Variants in CTNND2 observed in about 807,000 individuals in gnomAD.
CTNND2 encodes the protein catenin delta 2.
In CTNND2, 22 loss-of-function variants were observed where a neutral mutation model predicts 144.4. That is an observed-to-expected ratio of 0.15 (90% CI 0.11 to 0.22). The LOEUF is 0.22. Among genes scored for constraint, CTNND2 ranks in the 10% least tolerant of loss-of-function variants. CTNND2 has a pLI of 1.00. For missense variants in CTNND2, 1,353 were observed against 1,618.8 expected (o/e 0.84, Z 2.82); for synonymous variants, 751 against 695.6 (o/e 1.08, Z -1.25).
intron 16 of CTNND2, among the ~76,000 whole-genome samples, chr5:11,079,768 T>C (rs766336395): frequency 6.6e-6 from 1 of 152,064 alleles, no homozygotes; most frequent in Non-Finnish European, 1.5e-5. Context: ...ATCACAACCC[T>C]AAACTGGATA....
chr5:11,428,754 C>T (rs1233536419), intron 3 of CTNND2, among the ~76,000 whole-genome samples: 9 of 152,114 alleles, frequency 5.9e-5, no homozygotes, highest in African/African-American at 1.4e-4. Context: ...TGACAAAAAG[C>T]GACTACAACA....
chr5:11,081,078 A>G (rs968236727), intron 16 of CTNND2, among the ~76,000 whole-genome samples: 3 of 54,034 alleles, frequency 5.6e-5, no homozygotes, highest in African/African-American at 2.8e-4. Flanking sequence ...CCTGTCACAC[A>G]CACACACACA....
intron 1 of CTNND2, among the ~76,000 whole-genome samples, chr5:11,785,523 A>T (rs1016547722): frequency 2.0e-5 from 3 of 152,216 alleles, no homozygotes; most frequent in African/African-American, 7.2e-5. Context: ...TATCAAAATA[A>T]ATCTAAACTA....
chr5:11,897,888 T>C (rs1331638945), intron 1 of CTNND2, among the ~76,000 whole-genome samples: 6 of 152,214 alleles, frequency 3.9e-5, no homozygotes, highest in Non-Finnish European at 7.3e-5. Context: ...GATATTTCCT[T>C]TCAGGCAAAG....
intron 9 of CTNND2, among the ~76,000 whole-genome samples, chr5:11,283,895 T>C (rs1043281440): frequency 6.6e-6 from 1 of 152,200 alleles, no homozygotes; most frequent in African/African-American, 2.4e-5. Flanking sequence ...AGCCATGCAA[T>C]GCGGACCTTG....
At chr5:11,287,099 T>C (rs931263329) in intron 9 of CTNND2, among the ~76,000 whole-genome samples, 1 of 152,226 alleles carries the variant, frequency 6.6e-6, no homozygotes, top group African/African-American at 2.4e-5. Context: ...GCAAATGTAG[T>C]ATGACGCTGT....
At chr5:11,534,462 G>C (rs767230316) in intron 3 of CTNND2, among the ~76,000 whole-genome samples, 3 of 152,048 alleles carry the variant, frequency 2.0e-5, no homozygotes. Flanking sequence ...AAAATTAGCT[G>C]TGCATGGTGG....
intron 3 of CTNND2, among the ~76,000 whole-genome samples, chr5:11,456,704 A>G (rs1005498455): frequency 1.3e-5 from 2 of 152,248 alleles, no homozygotes; most frequent in South Asian, 4.1e-4. Flanking sequence ...AAAAATTATT[A>G]AAAAGACGAT....
chr5:11,235,835 A>G (rs1198459974), intron 10 of CTNND2, among the ~76,000 whole-genome samples: 1 of 152,240 alleles, frequency 6.6e-6, no homozygotes, highest in Non-Finnish European at 1.5e-5. Flanking sequence ...TCCCAATGCA[A>G]GCAAGCAAAA....
chr5:11,027,190 G>C (rs1168729190), intron 16 of CTNND2: 2 of 152,154 alleles, frequency 1.3e-5, no homozygotes, highest in African/African-American at 4.8e-5. Context: ...TCTGAAAAAG[G>C]GAAATCATGG....
chr5:11,237,648 G>A (rs910831921), intron 9 of CTNND2, among the ~76,000 whole-genome samples: 2 of 152,118 alleles, frequency 1.3e-5, no homozygotes, highest in African/African-American at 4.8e-5. Flanking sequence ...TTACAGGCAT[G>A]TGTCACCACG....
At chr5:11,487,597 C>T (rs1482587444) in intron 3 of CTNND2, among the ~76,000 whole-genome samples, 1 of 152,054 alleles carries the variant, frequency 6.6e-6, no homozygotes, top group African/African-American at 2.4e-5. Context: ...AGTTACATTT[C>T]CAGGGACGCT....
At chr5:11,396,055 G>A (rs978593375) in intron 6 of CTNND2, among the ~76,000 whole-genome samples, 6 of 152,222 alleles carry the variant, frequency 3.9e-5, no homozygotes, top group Admixed American at 1.3e-4. Context: ...GGGTTACAGA[G>A]CCAGTGGTGC....
At chr5:11,860,507 A>G (rs1220221271) in intron 1 of CTNND2, among the ~76,000 whole-genome samples, 1 of 152,232 alleles carries the variant, frequency 6.6e-6, no homozygotes, top group Non-Finnish European at 1.5e-5. Flanking sequence ...TCAGGTAATT[A>G]TAGCTAAGAT....
At chr5:10,975,736 G>A (rs1336674444) in intron 21 of CTNND2, among the ~76,000 whole-genome samples, 7 of 152,196 alleles carry the variant, frequency 4.6e-5, no homozygotes, top group Non-Finnish European at 7.3e-5. Flanking sequence ...ACCAAGAAGC[G>A]GTGTGTTTTC....
In CTNND2 at chr5:10,988,356, G is replaced by A; in HGVS notation, c.3212-114C>T. 1 of 1,263,614 alleles carries A rather than the reference G, an allele frequency of 7.9e-7. No individual in the cohort carries two copies. Among genetic ancestry groups the A allele is most frequent in the Non-Finnish European group, 1.1e-6 (1 of 909,124 alleles). The allele number at this position is 1,263,614 out of a possible 1,614,324, so 78.3% of individuals were successfully genotyped here. A position where few individuals can be genotyped will look rare whatever the true frequency, so the allele number is the denominator to read the frequency against. The stretch of plus-strand genomic sequence containing the variant: ...GTCCCGCATCTCAATGCCTACGTGA[G>A]GACCTGATGGGTTTTCTTTTTAATT... On this transcript the variant is annotated intron_variant, in intron 19 of 21. Coordinates refer to ENST00000304623, the MANE Select transcript of CTNND2 (RefSeq NM_001332.4). This position sits in a 1 kb window ranked among gnomAD's most constrained non-coding sequence, Gnocchi z 5.9.
At chr5:11,379,815 G>A (rs533879354) in intron 7 of CTNND2, among the ~76,000 whole-genome samples, 5 of 152,184 alleles carry the variant, frequency 3.3e-5, no homozygotes, top group Admixed American at 3.3e-4. Context: ...AAGCACATAT[G>A]ACCATGTCAG....
At chr5:11,242,655 C>T (rs556182260) in intron 9 of CTNND2, among the ~76,000 whole-genome samples, 5 of 152,188 alleles carry the variant, frequency 3.3e-5, no homozygotes, top group Admixed American at 1.3e-4. Context: ...CACCAGAGCC[C>T]GAGTTGAGAA....
chr5:11,877,419 T>G (rs897752887), intron 1 of CTNND2, among the ~76,000 whole-genome samples: 3 of 152,118 alleles, frequency 2.0e-5, no homozygotes, highest in Non-Finnish European at 4.4e-5. Context: ...TTTCTGAAAT[T>G]CATTATGATG....
Sources: gnomAD v4.1 joint callset for allele counts (sites outside exome capture counted in the v4.1 genomes callset) on GRCh38, gnomAD v4.1.1 for gene constraint, Gnocchi (gnomAD v3.1) non-coding constraint, MANE v1.5 for transcripts, NCBI Gene and HGNC (gene_info 2026-07-23, HGNC 2026-07-21) for gene names.